Variants in CLIP1 observed in about 807,000 individuals in gnomAD.
CLIP1 encodes the protein CAP-Gly domain-containing linker protein 1.
In CLIP1, 66 loss-of-function variants were observed where a neutral mutation model predicts 161.6. The observed-to-expected ratio is 0.41, with a 90% CI of 0.33 to 0.50. The LOEUF (loss-of-function observed/expected upper bound fraction) is 0.50. CLIP1 is among the 20% of genes least tolerant of loss of function. The pLI is 0.27. For synonymous variants in CLIP1, 598 were observed against 626.2 expected (o/e 0.96, Z 0.67); for missense variants, 1,376 against 1,702.0 (o/e 0.81, Z 3.37).
intron 20 of CLIP1, among the ~76,000 whole-genome samples, chr12:122,305,786 G>A (rs1461364456): frequency 6.6e-6 from 1 of 152,040 alleles, no homozygotes; most frequent in Admixed American, 6.6e-5. Flanking sequence ...GCAGTCAGAT[G>A]GCTGAGCGCA....
rs1253502859 is a variant in CLIP1, at chr12:122,364,097, G to A, written c.668C>T (p.Thr223Ile). 5 of 1,614,142 alleles carry A rather than the reference G, an allele frequency of 3.1e-6. No homozygotes were observed. The highest frequency in any genetic ancestry group is 4.2e-6 in the Non-Finnish European group (5 of 1,180,022). The change falls in exon 4 of 26, where the codon ACT becomes ATT. Residue 223 changes from threonine to isoleucine, a missense_variant. Physicochemically the swap from Thr to Ile is moderately conservative, Grantham distance 89. Coordinates refer to ENST00000620786, the MANE Select transcript of CLIP1 (RefSeq NM_001247997.2). ...KIGDRVLVGG[T>I]KAGVVRFLGE... ...AAGAAACCGGACTACACCAGCCTTA[G>A]TGCCACCAACCTGGAAGAAGAGAAG... is the stretch of plus-strand genomic sequence containing the variant.
At chr12:122,374,782 G>A (rs1954637079) in intron 3 of CLIP1, among the ~76,000 whole-genome samples, 1 of 151,878 alleles carries the variant, frequency 6.6e-6, no homozygotes, top group Non-Finnish European at 1.5e-5. Flanking sequence ...AAAAAAGAGT[G>A]TTGAGAACAA....
chr12:122,365,141 C>A (rs1413924420), intron 3 of CLIP1: 1 of 406,548 alleles, frequency 2.5e-6, no homozygotes, highest in Non-Finnish European at 4.3e-6. Flanking sequence ...TGCTAAATGA[C>A]GAGTTAATGG....
chr12:122,360,955 T>C lies in CLIP1; in HGVS notation c.1005+4A>G, dbSNP rs1354341783. 1 of 1,607,116 alleles carries C rather than the reference T, an allele frequency of 6.2e-7. No homozygotes were observed. Among genetic ancestry groups the C allele is most frequent in the Admixed American group, 1.7e-5 (1 of 59,620 alleles). On this transcript the variant is annotated splice_donor_region_variant and intron_variant, in intron 5 of 25. Coordinates refer to ENST00000620786, the MANE Select transcript of CLIP1 (RefSeq NM_001247997.2). Reference sequence around the variant, plus strand: ...GGAGGCAGGTAGTGAGAAAGGGGCCTTACTAGTCCTGTCCGACTGGGCCTG... The same window carrying C: ...GGAGGCAGGTAGTGAGAAAGGGGCCCTACTAGTCCTGTCCGACTGGGCCTG...
intron 15 of CLIP1, among the ~76,000 whole-genome samples, chr12:122,330,605 T>TTTTTTGTTTTTTTTTTTTTGTTG (rs1555265540): frequency 7.1e-6 from 1 of 139,876 alleles, no homozygotes; most frequent in African/African-American, 2.8e-5. Flanking sequence ...CAGTTTTTTT[T>TTTTTTGTTTTTTTTTTTTTGTTG]TTTTTTTTTT....
intron 3 of CLIP1, among the ~76,000 whole-genome samples, chr12:122,371,357 C>T (rs1954439321): frequency 6.6e-6 from 1 of 152,152 alleles, no homozygotes; most frequent in South Asian, 2.1e-4. Flanking sequence ...CAAGTCTAGA[C>T]AGACACCAAA....
intron 12 of CLIP1, among the ~76,000 whole-genome samples, chr12:122,335,703 A>G (rs1952184515): frequency 6.6e-6 from 1 of 151,906 alleles, no homozygotes; most frequent in Non-Finnish European, 1.5e-5. Context: ...GCTACTCAAG[A>G]GGCTGAGGCA....
At chr12:122,297,376 T>C (rs1051521259) in intron 20 of CLIP1, among the ~76,000 whole-genome samples, 1 of 152,186 alleles carries the variant, frequency 6.6e-6, no homozygotes, top group South Asian at 2.1e-4. Flanking sequence ...TCTCTGTTTA[T>C]TGTGATCTCC....
rs976965082 is a variant in CLIP1, at chr12:122,334,030, C to T, written c.2707G>A (p.Ala903Thr). 17 of 1,605,294 alleles carry T rather than the reference C, an allele frequency of 1.1e-5. No homozygotes were observed. The Admixed American group carries it at 2.0e-4, about 19-fold the overall frequency. Reference protein sequence around the residue: ...SDLEKLRENLADMEAKFREKD... With the variant: ...SDLEKLRENLTDMEAKFREKD... ...GTCACCAGAGATGTCTTCTTACCTG[C>T]TAAGTTTTCTCTCAGCTTCTCCAAG... Residue 903 changes from alanine to threonine, a missense_variant, in exon 14 of 26, where the codon GCA (alanine) becomes ACA (threonine). By Grantham distance (58) the Ala-to-Thr change is moderately conservative. This residue lies in a region of CLIP1 where 948 missense variants were observed against 1,134.8 expected (regional missense o/e 0.84). Coordinates refer to ENST00000620786, the MANE Select transcript of CLIP1 (RefSeq NM_001247997.2).
chr12:122,336,962 G>GT (rs11433673), intron 11 of CLIP1, among the ~76,000 whole-genome samples: 59,460 of 144,218 alleles, frequency 0.41, 13,725 homozygotes, highest in Non-Finnish European at 0.52. Context: ...CTATTTTTGT[G>GT]TTTTTTTTTT....
intron 19 of CLIP1, 107 bp downstream of exon 19, chr12:122,316,642 C>G (rs1173692661): frequency 1.4e-6 from 1 of 707,326 alleles, no homozygotes; most frequent in African/African-American, 1.8e-5. Flanking sequence ...AGTCTGCATA[C>G]GTTTACTTTA....
chr12:122,362,417 C>T (rs1175464378), intron 4 of CLIP1, among the ~76,000 whole-genome samples: 5 of 150,156 alleles, frequency 3.3e-5, no homozygotes, highest in Non-Finnish European at 7.4e-5. Context: ...CCAAGGTGGG[C>T]GGATCATGAG....
At chr12:122,296,905 A>G (rs1160847068) in intron 20 of CLIP1, among the ~76,000 whole-genome samples, 1 of 151,180 alleles carries the variant, frequency 6.6e-6, no homozygotes, top group East Asian at 1.9e-4. Flanking sequence ...AACAAGGTAG[A>G]GAGGATGAAT....
intron 5 of CLIP1, among the ~76,000 whole-genome samples, chr12:122,358,947 G>A (rs1953643481): frequency 6.6e-6 from 1 of 152,176 alleles, no homozygotes; most frequent in South Asian, 2.1e-4. Context: ...TATAATCCCA[G>A]CTACTTGGGA....
rs1954812314 is a variant in CLIP1 at position 122,377,679 on chromosome 12, T to C, written c.367A>G (p.Lys123Glu). The change falls in exon 3 of 26, where the codon AAG becomes GAG. Residue 123 changes from lysine (K) to glutamate (E), a missense_variant. By Grantham distance (56) the Lys-to-Glu change is moderately conservative (BLOSUM62 1). Coordinates refer to ENST00000620786, the MANE Select transcript of CLIP1 (RefSeq NM_001247997.2). ...TCTGCTTGCACCTTCCTTGTTAACT[T>C]TGAAGGTCGGGTAAATATGCCCTTT... ...PLKGIFTRPSKLTRKVQAEDE... is the reference protein window; with the variant it reads ...PLKGIFTRPSELTRKVQAEDE... The C allele has an allele frequency of 1.2e-6, 2 of 1,613,612 alleles. No homozygotes were observed. The highest frequency in any genetic ancestry group is 1.7e-6 in the Non-Finnish European group (2 of 1,179,954).
In CLIP1 at chr12:122,323,992, A is replaced by G. The variant is rs1951616434; in HGVS notation, c.3249+3955T>C. 1 of 152,652 alleles carries G rather than the reference A, an allele frequency of 6.6e-6. No homozygotes were observed. The highest frequency in any genetic ancestry group is 1.5e-5 in the Non-Finnish European group (1 of 68,046). 9.5% of individuals were successfully genotyped at this position (152,652 alleles called of 1,614,324 possible). ...TGAGTGCCTGCATGCTCACCTTGGA[A>G]GCTTGCAAAGAGTCATTTTCCACAT... On this transcript the variant is annotated intron_variant, in intron 17 of 25. Transcript: ENST00000620786. This position sits in a 1 kb window ranked among gnomAD's most constrained non-coding sequence, Gnocchi z 4.1.
intron 17 of CLIP1, among the ~76,000 whole-genome samples, chr12:122,327,271 C>T (rs1257172513): frequency 6.6e-6 from 1 of 152,042 alleles, no homozygotes; most frequent in Non-Finnish European, 1.5e-5. Flanking sequence ...CACAGCAAGA[C>T]CCCATTCTCT....
chr12:122,383,816 C>T (rs1045892893), intron 1 of CLIP1, among the ~76,000 whole-genome samples: 2 of 151,652 alleles, frequency 1.3e-5, no homozygotes, highest in African/African-American at 4.8e-5. Context: ...CACATTGAAA[C>T]TAATCAATTC....
intron 3 of CLIP1, among the ~76,000 whole-genome samples, chr12:122,367,659 T>C (rs1244743906): frequency 6.6e-6 from 1 of 152,348 alleles, no homozygotes; most frequent in African/African-American, 2.4e-5. Context: ...TATCAAATCA[T>C]ATCTAAGAAA....
Sources: allele counts gnomAD v4.1 joint callset (sites outside exome capture counted in the v4.1 genomes callset), GRCh38; gene constraint gnomAD v4.1.1; regional missense constraint gnomAD v4.1.1; non-coding constraint Gnocchi (gnomAD v3.1); transcripts MANE v1.5; gene names NCBI Gene and HGNC (gene_info 2026-07-23, HGNC 2026-07-21).